The following ELMO1 variants were observed in gnomAD, a reference collection of about 807,000 sequenced individuals.
ELMO1 encodes engulfment and cell motility 1.
Under a neutral mutation model 98.9 loss-of-function variants are expected in ELMO1, and 26 were observed. The observed-to-expected ratio is 0.26, with a 90% CI of 0.19 to 0.36. The LOEUF (loss-of-function observed/expected upper bound fraction) is 0.36. Among genes scored for constraint, ELMO1 ranks in the 10% least tolerant of loss-of-function variants. The probability of loss-of-function intolerance (pLI) is 1.00; values close to 1 mark genes in which losing one functional copy is unlikely to be tolerated. For synonymous variants in ELMO1, 346 were observed against 346.0 expected (o/e 1.00, Z 0.00); for missense variants, 627 against 935.2 (o/e 0.67, Z 4.30).
chr7:36,888,897 G>A (rs1270448353), intron 17 of ELMO1, among the ~76,000 whole-genome samples: 1 of 152,182 alleles, frequency 6.6e-6, no homozygotes, highest in Non-Finnish European at 1.5e-5. Context: ...TATGAGCCAG[G>A]TAGTGCAATA....
chr7:37,379,496 G>C (rs1052846238), intron 1 of ELMO1, among the ~76,000 whole-genome samples: 7 of 152,036 alleles, frequency 4.6e-5, no homozygotes, highest in African/African-American at 1.7e-4. Flanking sequence ...TTCTCAAAGA[G>C]GCCTCCCATG....
intron 4 of ELMO1, among the ~76,000 whole-genome samples, chr7:37,292,779 G>A (rs571618979): frequency 0.06 from 2,800 of 46,470 alleles, 302 homozygotes; most frequent in Non-Finnish European, 0.09. Flanking sequence ...CCGTCTGGGA[G>A]GGAGGGAGGT....
At chr7:36,966,402 T>C (rs1004772021) in intron 16 of ELMO1, among the ~76,000 whole-genome samples, 1 of 152,198 alleles carries the variant, frequency 6.6e-6, no homozygotes, top group African/African-American at 2.4e-5. Flanking sequence ...TAACTGAGAC[T>C]CCTAAAAACT....
intron 12 of ELMO1, 97 bp downstream of exon 12, chr7:37,213,238 C>T: frequency 6.8e-7 from 1 of 1,471,440 alleles, no homozygotes; most frequent in Non-Finnish European, 9.1e-7. Context: ...TCATATCAAA[C>T]TCTGAAACTC....
chr7:37,041,093 T>TAATAA (rs1415052168), intron 15 of ELMO1, among the ~76,000 whole-genome samples: 2 of 151,348 alleles, frequency 1.3e-5, no homozygotes, highest in South Asian at 2.1e-4. Flanking sequence ...AAATATATAA[T>TAATAA]AATAAAATAA....
At position 37,016,627 on chromosome 7, in the gene ELMO1, C is replaced by T. The variant is rs959297936; in HGVS notation, c.1301-3192G>A. Among the ~76,000 whole-genome samples the T allele has an allele frequency of 2.6e-4, 40 of 152,162 alleles. 1 individual carries two copies. Among genetic ancestry groups the T allele is most frequent in the African/African-American group, 9.2e-4 (38 of 41,430 alleles). The stretch of plus-strand genomic sequence containing the variant: ...AGTCCAATGTGGATCACAGCAAGTG[C>T]GTAGCCAGTGCCTGCTGACTGAGAA... On this transcript the variant is annotated intron_variant, in intron 15 of 21. Transcript: ENST00000310758.
intron 1 of ELMO1, chr7:37,429,728 G>T (rs1242933977): frequency 2.0e-5 from 3 of 152,236 alleles, no homozygotes; most frequent in Non-Finnish European, 4.4e-5. Context: ...TCTATGGAGG[G>T]CTGCTCAGTT....
chr7:37,391,089 TC>T (rs1803058764), intron 1 of ELMO1, among the ~76,000 whole-genome samples: 1 of 141,584 alleles, frequency 7.1e-6, no homozygotes, highest in Admixed American at 7.0e-5. Context: ...CCTCCCTCTT[TC>T]CCCCCACCGC....
At chr7:37,227,311 T>C (rs1486655466) in intron 8 of ELMO1, among the ~76,000 whole-genome samples, 1 of 152,252 alleles carries the variant, frequency 6.6e-6, no homozygotes, top group African/African-American at 2.4e-5. Context: ...ATTAGTTGCC[T>C]ACTTCCATAA....
intron 1 of ELMO1, among the ~76,000 whole-genome samples, chr7:37,438,954 G>A (rs777106687): frequency 1.3e-5 from 2 of 152,184 alleles, no homozygotes; most frequent in South Asian, 2.1e-4. Context: ...AGGCAAACAC[G>A]GTGAGTGCTG....
At chr7:36,917,913 A>G (rs902817445) in intron 16 of ELMO1, among the ~76,000 whole-genome samples, 2 of 151,448 alleles carry the variant, frequency 1.3e-5, no homozygotes, top group Admixed American at 6.6e-5. Context: ...GGAAGTTTAT[A>G]CAACATAGAT....
intron 1 of ELMO1, among the ~76,000 whole-genome samples, chr7:37,385,775 GCA>G (rs1243574344): frequency 2.0e-5 from 3 of 152,230 alleles, no homozygotes; most frequent in African/African-American, 7.2e-5. Context: ...CAAAATGCAT[GCA>G]CACACACAAA....
intron 15 of ELMO1, among the ~76,000 whole-genome samples, chr7:37,031,836 G>A (rs1794900130): frequency 6.6e-6 from 1 of 152,114 alleles, no homozygotes; most frequent in African/African-American, 2.4e-5. Flanking sequence ...TTGAAATATT[G>A]CACTGAAATA....
chr7:37,098,680 AC>A (rs1784486875), intron 14 of ELMO1, among the ~76,000 whole-genome samples: 1 of 152,288 alleles, frequency 6.6e-6, no homozygotes, highest in South Asian at 2.1e-4. Context: ...TTTCAGGGAA[AC>A]CATTCTGATT....
chr7:37,285,818 G>A (rs958974959), intron 4 of ELMO1, among the ~76,000 whole-genome samples: 1 of 152,116 alleles, frequency 6.6e-6, no homozygotes, highest in African/African-American at 2.4e-5. Context: ...AGCGAACCAC[G>A]TTGAACAGCC....
At chr7:36,920,924 T>C (rs2129074336) in intron 16 of ELMO1, among the ~76,000 whole-genome samples, 1 of 152,304 alleles carries the variant, frequency 6.6e-6, no homozygotes, top group African/African-American at 2.4e-5. Flanking sequence ...TATGCTGAAA[T>C]ATAGTCCCCA....
intron 16 of ELMO1, among the ~76,000 whole-genome samples, chr7:36,972,787 G>GT (rs940632292): frequency 1.3e-5 from 2 of 152,086 alleles, no homozygotes; most frequent in Admixed American, 6.5e-5. Flanking sequence ...TATATCTATA[G>GT]TTTTTTGAAA....
At chr7:37,119,536 T>C (rs2541104) in intron 14 of ELMO1, among the ~76,000 whole-genome samples, 35,793 of 152,066 alleles carry the variant, frequency 0.24, 5,235 homozygotes, top group African/African-American at 0.42. Context: ...CATTGCATCA[T>C]GAGGAGGAAA....
intron 5 of ELMO1, 164 bp downstream of exon 5, chr7:37,271,668 T>C (rs1562570895): frequency 1.5e-6 from 1 of 685,392 alleles, no homozygotes. Flanking sequence ...GTGGGAAATC[T>C]ACGGAGGGGC....
Sources: allele counts gnomAD v4.1 joint callset (sites outside exome capture counted in the v4.1 genomes callset), GRCh38; gene constraint gnomAD v4.1.1; transcripts MANE v1.5; gene names NCBI Gene and HGNC (gene_info 2026-07-23, HGNC 2026-07-21).